The following NAV3 variants were observed in gnomAD, a reference collection of about 807,000 sequenced individuals.
The protein encoded by NAV3 is neuron navigator 3.
A neutral mutation model predicts 244.7 loss-of-function variants in NAV3; 87 were observed. The ratio of observed to expected loss-of-function variants is 0.36; its 90% CI spans 0.30 to 0.42. NAV3 has a LOEUF of 0.42. Among genes scored for constraint, NAV3 ranks in the 20% least tolerant of loss-of-function variants. The pLI, the probability that NAV3 is intolerant of heterozygous loss-of-function variation, is 1.00. For synonymous variants in NAV3, 1,126 were observed against 1,042.2 expected (o/e 1.08, Z -1.55); for missense variants, 2,663 against 2,893.3 (o/e 0.92, Z 1.83).
chr12:78,169,403 A>G (rs1176043001), intron 24 of NAV3, among the ~76,000 whole-genome samples: 1 of 151,570 alleles, frequency 6.6e-6, no homozygotes. Flanking sequence ...AATTATTCCT[A>G]TGCTTAAGCA....
At chr12:77,949,066 C>G (rs1236613682) in intron 3 of NAV3, among the ~76,000 whole-genome samples, 2 of 151,880 alleles carry the variant, frequency 1.3e-5, no homozygotes, top group Non-Finnish European at 2.9e-5. Context: ...TGTGGATAGA[C>G]ACAGAAAATA....
intron 3 of NAV3, among the ~76,000 whole-genome samples, chr12:77,958,203 T>C (rs563378831): frequency 2.6e-5 from 4 of 152,258 alleles, no homozygotes; most frequent in East Asian, 3.9e-4. Flanking sequence ...GCTATGAAAA[T>C]AGACAATCAG....
intron 1 of NAV3, among the ~76,000 whole-genome samples, chr12:77,900,513 G>T (rs996697546): frequency 3.3e-5 from 5 of 152,134 alleles, no homozygotes; most frequent in Admixed American, 1.3e-4. Context: ...CTAAGTAGAT[G>T]ATTTCATTAT....
chr12:78,036,851 C>T (rs1334663311), intron 9 of NAV3: 4 of 674,392 alleles, frequency 5.9e-6, no homozygotes, highest in Non-Finnish European at 8.1e-6. Flanking sequence ...AGGAAGGAGC[C>T]ACTGGAAGAA....
chr12:78,122,242 G>A lies in NAV3; in HGVS notation c.4052G>A (p.Ser1351Asn), dbSNP rs762407432. The change falls in exon 16 of 40, where the codon AGC (serine) becomes AAC (asparagine). Residue 1351 changes from serine to asparagine, a missense_variant. Physicochemically the swap from Ser to Asn is conservative, Grantham distance 46. Coordinates refer to ENST00000397909, the MANE Select transcript of NAV3 (RefSeq NM_001024383.2). ...SGGLVWAANMSSSSAGSKDTP... is the reference protein window; with the variant it reads ...SGGLVWAANMNSSSAGSKDTP... ...GGTCTCGTGTGGGCTGCCAATATGA[G>A]CAGTTCCTCTGCAGGCAGCAAGGAT... 1 of 1,614,090 alleles carries A rather than the reference G, an allele frequency of 6.2e-7. No homozygotes were observed. Among genetic ancestry groups the A allele is most frequent in the South Asian group, 1.1e-5 (1 of 91,076 alleles).
intron 1 of NAV3, among the ~76,000 whole-genome samples, chr12:77,930,591 G>T (rs1351278683): frequency 1.3e-5 from 2 of 152,028 alleles, no homozygotes; most frequent in Non-Finnish European, 2.9e-5. Flanking sequence ...TAAAATGATT[G>T]CTCTCTAGAT....
chr12:78,103,896 A>G lies in NAV3; in HGVS notation c.2637-12876A>G, dbSNP rs564294627. ...AATTCAAGATGAGATTTGGGTAGGG[A>G]CACAGAGCCAAACTATATCACATGG... On this transcript the variant is annotated intron_variant, in intron 12 of 39. Transcript: ENST00000397909. Among the ~76,000 whole-genome samples, 8 of 152,360 alleles carry G rather than the reference A, an allele frequency of 5.3e-5. No individual in the cohort carries two copies. In the South Asian group the frequency reaches 8.3e-4, roughly 16 times the overall value.
intron 3 of NAV3, among the ~76,000 whole-genome samples, chr12:77,942,144 G>A (rs566191171): frequency 1.4e-4 from 21 of 152,280 alleles, no homozygotes; most frequent in African/African-American, 4.6e-4. Flanking sequence ...ATGCCAAGGC[G>A]GGTGGATGAC....
intron 12 of NAV3, among the ~76,000 whole-genome samples, chr12:78,107,950 A>T (rs916348673): frequency 2.0e-5 from 3 of 152,150 alleles, no homozygotes; most frequent in Non-Finnish European, 2.9e-5. Context: ...ATATAACAGG[A>T]AGCCTCACAT....
intron 2 of NAV3, among the ~76,000 whole-genome samples, chr12:77,679,372 A>G (rs1874347690): frequency 6.6e-6 from 1 of 152,150 alleles, no homozygotes; most frequent in African/African-American, 2.4e-5. Context: ...TGAATCCTTA[A>G]GATAACTTAC....
In NAV3 at chr12:78,180,950, C is replaced by T. The variant is rs769450694; in HGVS notation, c.5597C>T (p.Pro1866Leu). 14 of 1,613,054 alleles carry T rather than the reference C, an allele frequency of 8.7e-6. No individual in the cohort carries two copies. The highest frequency in any genetic ancestry group is 1.1e-5 in the South Asian group (1 of 91,044). The change falls in exon 30 of 40, where the codon CCG (proline) becomes CTG (leucine). Residue 1866 changes from proline (P) to leucine (L), a missense_variant. Pro to Leu is a moderately conservative substitution (Grantham distance 98). Coordinates refer to ENST00000397909, the MANE Select transcript of NAV3 (RefSeq NM_001024383.2). ...AACACAGCTAAGCCTACTCGGCCAC[C>T]GTCAGAATCCTCAAGCAGCACCTCC... ...TGNTAKPTRP[P>L]SESSSSTSSS...
At chr12:77,708,615 A>C (rs1481244241) in intron 2 of NAV3, among the ~76,000 whole-genome samples, 1 of 152,084 alleles carries the variant, frequency 6.6e-6, no homozygotes, top group Admixed American at 6.5e-5. Context: ...TGGTAGCTTG[A>C]TGGGGATGGC....
At chr12:78,187,974 A>T (rs1215169804) in intron 31 of NAV3, among the ~76,000 whole-genome samples, 1 of 151,912 alleles carries the variant, frequency 6.6e-6, no homozygotes, top group African/African-American at 2.4e-5. Context: ...AGAACAGGTC[A>T]TGGATCAGTT....
At chr12:78,051,962 GGCCCCGGCTGGGAAC>G in intron 11 of NAV3, among the ~76,000 whole-genome samples, 1 of 152,262 alleles carries the variant, frequency 6.6e-6, no homozygotes, top group South Asian at 2.1e-4. Context: ...GAGTCTAATT[GGCCCCGGCTGGGAAC>G]TAACGCTAGG....
chr12:78,045,423 G>A (rs1011718068), intron 9 of NAV3, among the ~76,000 whole-genome samples: 5 of 152,072 alleles, frequency 3.3e-5, no homozygotes, highest in African/African-American at 1.2e-4. Context: ...AGCCTCCCGA[G>A]TAGCTGGGGC....
intron 1 of NAV3, among the ~76,000 whole-genome samples, chr12:77,913,494 G>A (rs771266305): frequency 1.3e-4 from 20 of 151,894 alleles, no homozygotes; most frequent in African/African-American, 2.2e-4. Flanking sequence ...GTGCAGTGGC[G>A]CAATCTCGAT....
chr12:78,018,241 C>T (rs574207370), intron 8 of NAV3, among the ~76,000 whole-genome samples: 3 of 152,112 alleles, frequency 2.0e-5, no homozygotes, highest in East Asian at 1.9e-4. Flanking sequence ...GCTACATTAA[C>T]AAAAATTTTA....
intron 23 of NAV3, 97 bp downstream of exon 23, chr12:78,159,383 G>A: frequency 8.9e-7 from 1 of 1,118,090 alleles, no homozygotes; most frequent in Non-Finnish European, 1.3e-6. Context: ...AATATTCCAG[G>A]CTGAGTGCAG....
In NAV3 at chr12:78,176,454, A is replaced by G. The variant is rs1172302363; in HGVS notation, c.5119A>G (p.Ser1707Gly). The G allele has an allele frequency of 1.2e-6, 2 of 1,612,654 alleles. No individual in the cohort carries two copies. Among genetic ancestry groups the G allele is most frequent in the South Asian group, 1.1e-5 (1 of 91,004 alleles). ...KKKNWVNSRGSELRSSFKQAF... is the reference protein window; with the variant it reads ...KKKNWVNSRGGELRSSFKQAF... The stretch of plus-strand genomic sequence containing the variant: ...TTTCTGCAAGGTGAACTCTAGAGGA[A>G]GTGAGGTGAATATAAACCGTGGACA... The change falls in exon 26 of 40, where the codon AGT becomes GGT. Residue 1707 changes from serine (S) to glycine (G), a missense_variant. Around this residue, in one of 6 missense-constraint regions of NAV3, gnomAD observed 193 missense variants for 200.7 expected, o/e 0.96. Transcript: ENST00000397909.
Sources: gnomAD v4.1 joint callset for allele counts (sites outside exome capture counted in the v4.1 genomes callset) on GRCh38, gnomAD v4.1.1 for gene constraint, gnomAD v4.1.1 regional missense constraint, MANE v1.5 for transcripts, NCBI Gene and HGNC (gene_info 2026-07-23, HGNC 2026-07-21) for gene names.